ATP6V1C2: variants seen among roughly 807,000 people sequenced by gnomAD.
ATP6V1C2 encodes V-type proton ATPase subunit C 2.
A neutral mutation model predicts 56.8 loss-of-function variants in ATP6V1C2; 45 were observed. That is an observed-to-expected ratio of 0.79 (90% CI 0.62 to 1.02). The LOEUF (loss-of-function observed/expected upper bound fraction) is 1.02. Ranked by LOEUF, ATP6V1C2 falls within the 50% of genes least tolerant of loss-of-function variation. The pLI, the probability that ATP6V1C2 is intolerant of heterozygous loss-of-function variation, is 0.00. For synonymous variants in ATP6V1C2, 220 were observed against 201.3 expected (o/e 1.09, Z -0.79); for missense variants, 463 against 519.7 (o/e 0.89, Z 1.06).
At chr2:10,771,776 G>C (rs1486493812) in intron 6 of ATP6V1C2, 63 bp from the exon 7 acceptor site, 1 of 1,323,100 alleles carries the variant, frequency 7.6e-7, no homozygotes, top group Non-Finnish European at 1.1e-6. Context: ...GTGGGTGTGT[G>C]TGGGGTCACT....
At chr2:10,751,906 G>A (rs971385236) in intron 3 of ATP6V1C2, among the ~76,000 whole-genome samples, 1 of 152,038 alleles carries the variant, frequency 6.6e-6, no homozygotes, top group Non-Finnish European at 1.5e-5. Context: ...CCCGGAGTTC[G>A]AGACCAGCTT....
At chr2:10,747,006 C>T (rs370460640) in intron 3 of ATP6V1C2, among the ~76,000 whole-genome samples, 2 of 152,212 alleles carry the variant, frequency 1.3e-5, no homozygotes, top group East Asian at 1.9e-4. Flanking sequence ...CGGTGGCTTG[C>T]GCCTGCAATC....
intron 3 of ATP6V1C2, among the ~76,000 whole-genome samples, chr2:10,729,468 G>C (rs1661838719): frequency 6.6e-6 from 1 of 152,088 alleles, no homozygotes; most frequent in Non-Finnish European, 1.5e-5. Context: ...CCATAATTAA[G>C]CCATCCAAAT....
At chr2:10,722,773 A>T (rs1418101807) in intron 1 of ATP6V1C2, 51 bp from the exon 2 acceptor site, 2 of 1,568,272 alleles carry the variant, frequency 1.3e-6, no homozygotes, top group East Asian at 4.5e-5. Context: ...GATATCTGAC[A>T]CATCTCTCCT....
intron 3 of ATP6V1C2, among the ~76,000 whole-genome samples, chr2:10,741,823 C>G (rs116400180): frequency 1.3e-5 from 2 of 152,092 alleles, no homozygotes; most frequent in South Asian, 2.1e-4. Flanking sequence ...TGCCCTCCCT[C>G]CGATCCTGCC....
Position 10,783,157 on chromosome 2 carries a change from C to T in ATP6V1C2, c.1195-17C>T. On this transcript the variant is annotated splice_polypyrimidine_tract_variant and intron_variant, in intron 13 of 13. Coordinates refer to ENST00000272238, the MANE Select transcript of ATP6V1C2 (RefSeq NM_001039362.2). ...CTAGTTTATGCACTTAGAGCATTACCATGTCTTCTTTTGTAGGCATCTGTG... is the reference window on the plus strand; with the variant it reads ...CTAGTTTATGCACTTAGAGCATTACTATGTCTTCTTTTGTAGGCATCTGTG... The T allele has an allele frequency of 6.3e-7, 1 of 1,595,226 alleles. No individual in the cohort carries two copies. The highest frequency in any genetic ancestry group is 8.6e-7 in the Non-Finnish European group (1 of 1,163,144).
intron 3 of ATP6V1C2, among the ~76,000 whole-genome samples, chr2:10,737,420 A>G (rs79373657): frequency 1.7e-5 from 1 of 58,796 alleles, no homozygotes; most frequent in Non-Finnish European, 2.5e-5. Context: ...CTCTGTCTCA[A>G]AAAAAAAAAA....
chr2:10,722,791 CTGTTTGTGTA>C, intron 1 of ATP6V1C2, 23 bp from the exon 2 acceptor site: 1 of 1,598,150 alleles, frequency 6.3e-7, no homozygotes, highest in Non-Finnish European at 8.5e-7. Flanking sequence ...CCTTCTGTTT[CTGTTTGTGTA>C]TGTTTGTCCT....
At chr2:10,742,201 C>T (rs1287167961) in intron 3 of ATP6V1C2, among the ~76,000 whole-genome samples, 2 of 152,142 alleles carry the variant, frequency 1.3e-5, no homozygotes, top group African/African-American at 4.8e-5. Context: ...TGAGTCACCA[C>T]GCTGGCCTTT....
chr2:10,760,023 G>GTTTTTTTTT (rs1405939914), intron 4 of ATP6V1C2, among the ~76,000 whole-genome samples: 6 of 77,874 alleles, frequency 7.7e-5, no homozygotes, highest in African/African-American at 1.8e-4. Flanking sequence ...GCAGTTTTTT[G>GTTTTTTTTT]TTTTTTGTTT....
At chr2:10,737,186 G>T (rs1298014442) in intron 3 of ATP6V1C2, among the ~76,000 whole-genome samples, 1 of 151,540 alleles carries the variant, frequency 6.6e-6, no homozygotes, top group East Asian at 1.9e-4. Context: ...AGGCTGAGGT[G>T]GGAGGATCAC....
At chr2:10,741,530 T>C (rs1444216366) in intron 3 of ATP6V1C2, among the ~76,000 whole-genome samples, 1 of 152,076 alleles carries the variant, frequency 6.6e-6, no homozygotes, top group Non-Finnish European at 1.5e-5. Flanking sequence ...AGGTGGCCCC[T>C]CTCATCAAGG....
Position 10,783,956 on chromosome 2 carries a change from C to T in ATP6V1C2, c.*693C>T, listed in dbSNP as rs1263851583. On this transcript the variant is annotated 3_prime_UTR_variant, in exon 14 of 14. Coordinates refer to ENST00000272238, the MANE Select transcript of ATP6V1C2 (RefSeq NM_001039362.2). Reference sequence around the variant, plus strand: ...AAAAAACCCATACATAAGAAACAGCCTCCAAGAACATTCAAGCAGCAGTCA... The same window carrying T: ...AAAAAACCCATACATAAGAAACAGCTTCCAAGAACATTCAAGCAGCAGTCA... The T allele has an allele frequency of 4.3e-6, 1 of 233,608 alleles. No homozygotes were observed. Among genetic ancestry groups the T allele is most frequent in the Non-Finnish European group, 8.2e-6 (1 of 121,536 alleles). 14.5% of individuals were successfully genotyped at this position (233,608 alleles called of 1,614,324 possible). A position where few individuals can be genotyped will look rare whatever the true frequency, so the allele number is the denominator to read the frequency against.
In ATP6V1C2 at chr2:10,767,414, C is replaced by G. The variant is rs577280156; in HGVS notation, c.379-1305C>G. 5.3e-5 allele frequency among the ~76,000 whole-genome samples: 8 copies of G among 152,192 alleles called. No individual in the cohort carries two copies. The South Asian group carries it at 1.4e-3, about 28-fold the overall frequency. On this transcript the variant is annotated intron_variant, in intron 5 of 13. Transcript: ENST00000272238. ...CTGAGCTCAGGCAATCTGCCCATCT[C>G]TGCCTCTCAAAGTGCTAGGATTTCA...
At chr2:10,754,152 C>A in intron 4 of ATP6V1C2, 86 bp downstream of exon 4, 1 of 1,128,124 alleles carries the variant, frequency 8.9e-7, no homozygotes, top group Non-Finnish European at 1.3e-6. Flanking sequence ...ACACAGCAAT[C>A]ACCGAGATGG....
chr2:10,772,639 GC>G, intron 8 of ATP6V1C2, 29 bp downstream of exon 8: 1 of 1,595,056 alleles, frequency 6.3e-7, no homozygotes. Context: ...TGGTCCCAGG[GC>G]CCCTGGGGTA....
chr2:10,776,287 G>A (rs924535965), intron 10 of ATP6V1C2, among the ~76,000 whole-genome samples: 3 of 141,060 alleles, frequency 2.1e-5, no homozygotes, highest in Non-Finnish European at 3.2e-5. Context: ...GTGTGCGCGC[G>A]CACGTGCATG....
chr2:10,777,742 C>T lies in ATP6V1C2; in HGVS notation c.963+20C>T, dbSNP rs764965300. On this transcript the variant is annotated intron_variant, in intron 11 of 13. Coordinates refer to ENST00000272238, the MANE Select transcript of ATP6V1C2 (RefSeq NM_001039362.2). ...GGTGAGGTAAGCAACGCCCCGGGAA[C>T]CCCGGGGTCCCTGGCTCACATCTCC... 37 of 1,592,606 alleles carry T rather than the reference C, an allele frequency of 2.3e-5. No homozygotes were observed. Among genetic ancestry groups the T allele is most frequent in the Non-Finnish European group, 3.2e-5 (37 of 1,173,214 alleles).
chr2:10,774,060 G>T (rs1664801263), intron 8 of ATP6V1C2, among the ~76,000 whole-genome samples: 1 of 152,224 alleles, frequency 6.6e-6, no homozygotes, highest in Non-Finnish European at 1.5e-5. Flanking sequence ...CTTGGTAGGT[G>T]GCCTGGCCTC....
Sources: allele counts gnomAD v4.1 joint callset (sites outside exome capture counted in the v4.1 genomes callset), GRCh38; gene constraint gnomAD v4.1.1; transcripts MANE v1.5; gene names NCBI Gene and HGNC (gene_info 2026-07-23, HGNC 2026-07-21).